DOCK3: variants seen among roughly 807,000 people sequenced by gnomAD.
DOCK3 encodes the protein dedicator of cytokinesis protein 3.
DOCK3 carries 60 observed loss-of-function variants against 265.6 expected under a neutral mutation model. The ratio of observed to expected loss-of-function variants is 0.23; its 90% confidence interval spans 0.18 to 0.28. The LOEUF is 0.28. Among genes scored for constraint, DOCK3 ranks in the 10% least tolerant of loss-of-function variants. The probability of loss-of-function intolerance (pLI) is 1.00; values close to 1 mark genes in which losing one functional copy is unlikely to be tolerated. For missense variants in DOCK3, 1,981 were observed against 2,594.3 expected (o/e 0.76, Z 5.14); for synonymous variants, 881 against 938.0 (o/e 0.94, Z 1.11).
intron 1 of DOCK3, among the ~76,000 whole-genome samples, chr3:50,751,530 TAGGTATTAC>T (rs2039807522): frequency 6.6e-6 from 1 of 152,204 alleles, no homozygotes; most frequent in Admixed American, 6.5e-5. Flanking sequence ...AATGAATGCA[TAGGTATTAC>T]AGCTTATGTA....
intron 9 of DOCK3, among the ~76,000 whole-genome samples, chr3:51,119,415 A>G (rs889470473): frequency 6.6e-6 from 1 of 151,876 alleles, no homozygotes; most frequent in Admixed American, 6.6e-5. Context: ...CTTCATTTCA[A>G]CCTTGGTGAA....
intron 1 of DOCK3, among the ~76,000 whole-genome samples, chr3:50,758,168 ACT>A (rs2040290241): frequency 9.1e-6 from 1 of 110,368 alleles, no homozygotes; most frequent in Admixed American, 1.2e-4. Flanking sequence ...ACAGAGCGAG[ACT>A]CTGTCTCAAA....
chr3:51,333,291 A>G (rs756191399), intron 35 of DOCK3, 38 bp downstream of exon 35: 8 of 1,592,432 alleles, frequency 5.0e-6, no homozygotes, highest in Non-Finnish European at 6.9e-6. Flanking sequence ...TTCCCTTGTC[A>G]GGATACTCTC....
At chr3:51,032,019 A>G (rs1039129895) in intron 5 of DOCK3, among the ~76,000 whole-genome samples, 3 of 152,124 alleles carry the variant, frequency 2.0e-5, no homozygotes, top group Admixed American at 1.3e-4. Context: ...AAGTATAAGT[A>G]TTTTGTTACA....
At chr3:51,358,209 C>T (rs1054035149) in intron 46 of DOCK3, 132 bp downstream of exon 46, 48 of 816,130 alleles carry the variant, frequency 5.9e-5, no homozygotes, top group Non-Finnish European at 7.9e-5. Flanking sequence ...GAGAGGCTGT[C>T]CTCCCTACAG....
intron 5 of DOCK3, among the ~76,000 whole-genome samples, chr3:51,063,585 A>G (rs2081495141): frequency 6.6e-6 from 1 of 152,170 alleles, no homozygotes. Flanking sequence ...ATCTGCCTTC[A>G]GAAGCATTAT....
chr3:50,926,889 C>T (rs1313764318), intron 4 of DOCK3, among the ~76,000 whole-genome samples: 2 of 152,172 alleles, frequency 1.3e-5, no homozygotes, highest in East Asian at 1.9e-4. Context: ...TCCATGTTCC[C>T]TTGCAGTTTA....
chr3:50,988,146 G>A (rs775269926), intron 5 of DOCK3, among the ~76,000 whole-genome samples: 3 of 152,186 alleles, frequency 2.0e-5, no homozygotes, highest in Non-Finnish European at 4.4e-5. Context: ...TGAGGGGAGA[G>A]GGAGCTGCCA....
At chr3:51,278,345 C>T (rs1019421739) in intron 26 of DOCK3, 1 of 985,298 alleles carries the variant, frequency 1.0e-6, no homozygotes, top group Non-Finnish European at 1.2e-6. Flanking sequence ...TACCTTGGGC[C>T]CCTCATGCAC....
chr3:51,138,716 C>T (rs1206417566), intron 9 of DOCK3, among the ~76,000 whole-genome samples: 2 of 152,082 alleles, frequency 1.3e-5, no homozygotes, highest in African/African-American at 2.4e-5. Flanking sequence ...ATTCACAGAG[C>T]GTATAATGTG....
chr3:51,241,955 C>T (rs1317303189), intron 21 of DOCK3, among the ~76,000 whole-genome samples: 1 of 152,160 alleles, frequency 6.6e-6, no homozygotes, highest in African/African-American at 2.4e-5. Context: ...GTTCAGAACC[C>T]TTGCTGGAGA....
intron 16 of DOCK3, 92 bp from the exon 17 acceptor site, chr3:51,227,890 A>G (rs1450042116): frequency 8.0e-7 from 1 of 1,244,630 alleles, no homozygotes; most frequent in Non-Finnish European, 1.2e-6. Flanking sequence ...GAGGCGAGGA[A>G]CAAAAGAGCA....
intron 2 of DOCK3, among the ~76,000 whole-genome samples, chr3:50,796,329 C>A (rs2042780480): frequency 6.6e-6 from 1 of 151,430 alleles, no homozygotes; most frequent in Non-Finnish European, 1.5e-5. Flanking sequence ...CCATGCCCAG[C>A]CATTTTTTTT....
intron 10 of DOCK3, among the ~76,000 whole-genome samples, chr3:51,147,941 GT>G (rs1390901484): frequency 2.0e-5 from 3 of 152,150 alleles, no homozygotes; most frequent in South Asian, 2.1e-4. Flanking sequence ...GGTTGAACTA[GT>G]TTACACTCCC....
intron 51 of DOCK3, among the ~76,000 whole-genome samples, chr3:51,378,325 G>T (rs1379359130): frequency 3.3e-5 from 5 of 152,202 alleles, no homozygotes; most frequent in Non-Finnish European, 1.5e-5. Context: ...AGGAAGAAGA[G>T]GATGATGGAT....
intron 23 of DOCK3, among the ~76,000 whole-genome samples, chr3:51,264,332 G>A (rs1003484277): frequency 1.3e-5 from 2 of 151,716 alleles, no homozygotes; most frequent in African/African-American, 4.8e-5. Flanking sequence ...CGAAATTAAG[G>A]CAGAGGTTCT....
intron 3 of DOCK3, among the ~76,000 whole-genome samples, chr3:50,859,746 G>A (rs1209586377): frequency 6.6e-6 from 1 of 152,112 alleles, no homozygotes; most frequent in Non-Finnish European, 1.5e-5. Context: ...TTTTGGTGTT[G>A]AAGTTTTGGG....
chr3:50,688,139 C>T (rs1439071538), intron 1 of DOCK3, among the ~76,000 whole-genome samples: 2 of 152,222 alleles, frequency 1.3e-5, no homozygotes, highest in African/African-American at 2.4e-5. Flanking sequence ...GCAGGATCAA[C>T]TCTTCACCAA....
intron 5 of DOCK3, among the ~76,000 whole-genome samples, chr3:50,994,816 A>G (rs1575705415): frequency 6.6e-6 from 1 of 152,308 alleles, no homozygotes; most frequent in Non-Finnish European, 1.5e-5. Flanking sequence ...TCAATTAGAT[A>G]AGATATATAA....
Sources: allele counts gnomAD v4.1 joint callset (sites outside exome capture counted in the v4.1 genomes callset), GRCh38; gene constraint gnomAD v4.1.1; transcripts MANE v1.5; gene names NCBI Gene and HGNC (gene_info 2026-07-23, HGNC 2026-07-21).